Variants in GRM8 observed in about 807,000 individuals in gnomAD.
GRM8 encodes metabotropic glutamate receptor 8.
A neutral mutation model predicts 87.2 loss-of-function variants in GRM8; 47 were observed. The observed-to-expected ratio is 0.54, with a 90% confidence interval of 0.43 to 0.69. The LOEUF (loss-of-function observed/expected upper bound fraction) is 0.69, where lower values mean the gene tolerates loss of function less well. GRM8 is among the 30% of genes least tolerant of loss of function. GRM8 has a pLI of 0.00. For missense variants in GRM8, 1,019 were observed against 1,139.2 expected (o/e 0.89, Z 1.52); for synonymous variants, 396 against 404.5 (o/e 0.98, Z 0.25).
At chr7:126,474,730 A>G (rs1223820164) in intron 9 of GRM8, among the ~76,000 whole-genome samples, 4 of 152,148 alleles carry the variant, frequency 2.6e-5, no homozygotes, top group African/African-American at 7.2e-5. Context: ...TTCCTGCCTC[A>G]TATAAGACTG....
At chr7:126,678,312 A>C (rs1807203935) in intron 7 of GRM8, among the ~76,000 whole-genome samples, 1 of 152,208 alleles carries the variant, frequency 6.6e-6, no homozygotes, top group African/African-American at 2.4e-5. Flanking sequence ...GTAGATATAG[A>C]CTAGTGTTCT....
chr7:127,091,079 C>G (rs1253619804), intron 3 of GRM8: 1 of 152,196 alleles, frequency 6.6e-6, no homozygotes, highest in African/African-American at 2.4e-5. Flanking sequence ...CAGAAACTGA[C>G]CAAGTGTTCA....
intron 9 of GRM8, among the ~76,000 whole-genome samples, chr7:126,484,512 C>T (rs975169067): frequency 1.3e-5 from 2 of 152,044 alleles, no homozygotes; most frequent in Non-Finnish European, 2.9e-5. Context: ...TAAAGTTAGT[C>T]ATTGCAGGGC....
At chr7:126,627,502 A>G (rs1201406394) in intron 7 of GRM8, among the ~76,000 whole-genome samples, 2 of 152,162 alleles carry the variant, frequency 1.3e-5, no homozygotes, top group African/African-American at 4.8e-5. Context: ...TTATATTTTT[A>G]TGTCTCCCTT....
At chr7:126,824,394 T>G (rs1328258969) in intron 6 of GRM8, among the ~76,000 whole-genome samples, 1 of 152,174 alleles carries the variant, frequency 6.6e-6, no homozygotes, top group East Asian at 1.9e-4. Context: ...ATAAATAAAA[T>G]GTACTGTGCT....
At chr7:127,158,880 T>C (rs558384703) in intron 2 of GRM8, among the ~76,000 whole-genome samples, 1 of 151,978 alleles carries the variant, frequency 6.6e-6, no homozygotes, top group African/African-American at 2.4e-5. Flanking sequence ...AATAAACAAC[T>C]GGTTGTTTTC....
chr7:127,172,582 G>C (rs1469653315), intron 2 of GRM8, among the ~76,000 whole-genome samples: 1 of 151,706 alleles, frequency 6.6e-6, no homozygotes, highest in Non-Finnish European at 1.5e-5. Context: ...GTGGCACATG[G>C]CTGTAGTCCC....
intron 9 of GRM8, among the ~76,000 whole-genome samples, chr7:126,496,597 T>A (rs1297252914): frequency 6.6e-6 from 1 of 152,006 alleles, no homozygotes; most frequent in Non-Finnish European, 1.5e-5. Context: ...AACCATGTTT[T>A]TTGCCATCGT....
At chr7:126,825,225 C>A (rs904000792) in intron 6 of GRM8, among the ~76,000 whole-genome samples, 1 of 151,986 alleles carries the variant, frequency 6.6e-6, no homozygotes, top group African/African-American at 2.4e-5. Flanking sequence ...CACCACCATG[C>A]CTGGCTAATT....
At chr7:126,591,805 T>C (rs767127524) in intron 8 of GRM8, among the ~76,000 whole-genome samples, 2 of 150,936 alleles carry the variant, frequency 1.3e-5, no homozygotes, top group African/African-American at 4.9e-5. Flanking sequence ...AAAATAGATA[T>C]TAGAAACTCA....
intron 10 of GRM8, among the ~76,000 whole-genome samples, chr7:126,441,413 T>A (rs1283877653): frequency 6.6e-6 from 1 of 152,094 alleles, no homozygotes; most frequent in African/African-American, 2.4e-5. Flanking sequence ...ATGCCTAAGC[T>A]TCTGGAGAAT....
Position 127,027,930 on chromosome 7 carries a change from C to T in GRM8, c.727+78566G>A, listed in dbSNP as rs189036443. Reference sequence around the variant, plus strand: ...GTGTTGGTTTTCAAAGGGAATGACTCCAGTTTTTGCCCATTCACTACAATA... The same window carrying T: ...GTGTTGGTTTTCAAAGGGAATGACTTCAGTTTTTGCCCATTCACTACAATA... On this transcript the variant is annotated intron_variant, in intron 3 of 10. Coordinates refer to ENST00000339582, the MANE Select transcript of GRM8 (RefSeq NM_000845.3). 2.7e-3 allele frequency among the ~76,000 whole-genome samples: 416 copies of T among 152,212 alleles called. 1 individual carries two copies. The highest frequency in any genetic ancestry group is 9.7e-3 in the African/African-American group (402 of 41,536).
intron 8 of GRM8, among the ~76,000 whole-genome samples, chr7:126,598,225 ATT>A (rs36054386): frequency 7.3e-5 from 11 of 151,568 alleles, no homozygotes; most frequent in African/African-American, 2.7e-4. Context: ...GTTTTTTCCT[ATT>A]TTTTTTATAA....
At chr7:127,066,221 AAT>A (rs1821091990) in intron 3 of GRM8, among the ~76,000 whole-genome samples, 1 of 152,234 alleles carries the variant, frequency 6.6e-6, no homozygotes, top group Admixed American at 6.5e-5. Flanking sequence ...CTGAACACAT[AAT>A]CATGAATAAT....
intron 2 of GRM8, among the ~76,000 whole-genome samples, chr7:127,129,089 A>G (rs1212462757): frequency 6.6e-6 from 1 of 152,192 alleles, no homozygotes; most frequent in Non-Finnish European, 1.5e-5. Flanking sequence ...CTACGAATAA[A>G]TGATATGTAG....
At chr7:126,822,588 T>C (rs547716236) in intron 6 of GRM8, among the ~76,000 whole-genome samples, 2 of 151,912 alleles carry the variant, frequency 1.3e-5, no homozygotes, top group Non-Finnish European at 1.5e-5. Flanking sequence ...AGATGGGATC[T>C]CACTATGTTG....
At chr7:126,468,834 A>T (rs1331788515) in intron 9 of GRM8, among the ~76,000 whole-genome samples, 1 of 152,140 alleles carries the variant, frequency 6.6e-6, no homozygotes, top group African/African-American at 2.4e-5. Flanking sequence ...AGCATGCTAT[A>T]CTATTAGATT....
intron 6 of GRM8, among the ~76,000 whole-genome samples, chr7:126,779,277 C>T (rs1194920792): frequency 6.6e-6 from 1 of 152,016 alleles, no homozygotes; most frequent in Non-Finnish European, 1.5e-5. Flanking sequence ...CATGTATATT[C>T]ATTTCCCAAA....
intron 8 of GRM8, among the ~76,000 whole-genome samples, chr7:126,583,244 T>C (rs1795779038): frequency 6.6e-6 from 1 of 151,994 alleles, no homozygotes; most frequent in Non-Finnish European, 1.5e-5. Context: ...TAGTCCCAGC[T>C]ACTTGGAAGG....
Sources: allele counts gnomAD v4.1 joint callset (sites outside exome capture counted in the v4.1 genomes callset), GRCh38; gene constraint gnomAD v4.1.1; transcripts MANE v1.5; gene names NCBI Gene and HGNC (gene_info 2026-07-23, HGNC 2026-07-21).